The following LDLRAD4 variants were observed in gnomAD, a reference collection of about 807,000 sequenced individuals.
The protein encoded by LDLRAD4 is low density lipoprotein receptor class A domain containing 4, also known as low-density lipoprotein receptor class A domain-containing protein 4.
A neutral mutation model predicts 17.0 loss-of-function variants in LDLRAD4; 5 were observed. The observed-to-expected ratio is 0.29, with a 90% CI of 0.15 to 0.62. The LOEUF is 0.62. Ranked by LOEUF, LDLRAD4 falls within the 20% of genes least tolerant of loss-of-function variation. LDLRAD4 has a pLI of 0.84. For synonymous variants in LDLRAD4, 168 were observed against 171.8 expected, an observed-to-expected ratio of 0.98 and a Z score of 0.17; for missense variants, 340 against 424.7, an observed-to-expected ratio of 0.80 and a Z score of 1.75.
chr18:13,604,740 G>T (rs911676840), intron 3 of LDLRAD4, among the ~76,000 whole-genome samples: 1 of 152,178 alleles, frequency 6.6e-6, no homozygotes, highest in Non-Finnish European at 1.5e-5. Flanking sequence ...AAAATATCCA[G>T]TGTGTTTTTC....
intron 3 of LDLRAD4, among the ~76,000 whole-genome samples, chr18:13,554,766 T>C (rs2094467654): frequency 1.3e-5 from 2 of 152,194 alleles, no homozygotes; most frequent in South Asian, 4.1e-4. Flanking sequence ...TTTCAAATGG[T>C]AATCTGTAAT....
At chr18:13,647,677 T>C (rs1355553955) in exon 6 of LDLRAD4, 2 of 152,298 alleles carry the variant, frequency 1.3e-5, no homozygotes, top group Non-Finnish European at 2.9e-5. Flanking sequence ...ATTACATTCA[T>C]CCTTTGCACA....
At chr18:13,231,717 G>GT (rs1290581221) in intron 1 of LDLRAD4, among the ~76,000 whole-genome samples, 2 of 152,226 alleles carry the variant, frequency 1.3e-5, no homozygotes, top group African/African-American at 4.8e-5. Context: ...TGCAAAACGT[G>GT]TAACTATTTA....
At position 13,532,230 on chromosome 18, in the gene LDLRAD4, T is replaced by C. The variant is rs1028670213; in HGVS notation, c.182-88887T>C. ...GGCTCCTGCAATTGCCTTCAGAGGG[T>C]AAGAGCGATTGGGAGGGGCAGCGAA... On this transcript the variant is annotated intron_variant, in intron 3 of 5. Transcript: ENST00000359446. 2.6e-5 allele frequency among the ~76,000 whole-genome samples: 4 copies of C among 152,138 alleles called. No homozygotes were observed. In the South Asian group the frequency reaches 8.3e-4, roughly 32 times the overall value.
chr18:13,427,118 G>C (rs781169550), intron 2 of LDLRAD4, among the ~76,000 whole-genome samples: 3 of 152,112 alleles, frequency 2.0e-5, no homozygotes, highest in Non-Finnish European at 1.5e-5. Flanking sequence ...CCCAGGAGGC[G>C]GAGATTGCAG....
intron 1 of LDLRAD4, among the ~76,000 whole-genome samples, chr18:13,262,827 T>TGGAAAC (rs2043965987): frequency 1.1e-5 from 1 of 88,362 alleles, no homozygotes; most frequent in Admixed American, 1.2e-4. Context: ...GCTCCGTGCG[T>TGGAAAC]TGGGGCTGAG....
At chr18:13,528,242 C>T (rs2094066256) in intron 3 of LDLRAD4, among the ~76,000 whole-genome samples, 2 of 152,232 alleles carry the variant, frequency 1.3e-5, no homozygotes, top group African/African-American at 2.4e-5. Context: ...TAGTCTTCCT[C>T]TGCCAGCACT....
chr18:13,391,562 T>C (rs2086275281), intron 2 of LDLRAD4, among the ~76,000 whole-genome samples: 1 of 152,264 alleles, frequency 6.6e-6, no homozygotes, highest in African/African-American at 2.4e-5. Flanking sequence ...TTTCTCAGCA[T>C]ATGCAATTTA....
exon 6 of LDLRAD4, chr18:13,652,161 T>C (rs781358921): frequency 1.3e-5 from 2 of 152,216 alleles, no homozygotes; most frequent in Non-Finnish European, 2.9e-5. Flanking sequence ...CTGTTGAGCA[T>C]GAGAATGTTC....
At chr18:13,226,180 C>CTTTTTTTTTTGTTTT (rs2041784788) in intron 1 of LDLRAD4, among the ~76,000 whole-genome samples, 1 of 52,188 alleles carries the variant, frequency 1.9e-5, no homozygotes, top group Non-Finnish European at 3.3e-5. Flanking sequence ...CCATGCCTTG[C>CTTTTTTTTTTGTTTT]TTTTTTTTTT....
intron 3 of LDLRAD4, among the ~76,000 whole-genome samples, chr18:13,503,635 G>A (rs1309289019): frequency 6.6e-6 from 1 of 152,184 alleles, no homozygotes; most frequent in Non-Finnish European, 1.5e-5. Context: ...ACAGGGGCGG[G>A]ATGTGCCAGA....
chr18:13,352,893 A>C (rs544124206), intron 1 of LDLRAD4, among the ~76,000 whole-genome samples: 98 of 152,260 alleles, frequency 6.4e-4, no homozygotes, highest in African/African-American at 2.2e-3. Flanking sequence ...TTTTGAAAAT[A>C]TAGTAGCATT....
rs762632428 is a variant in LDLRAD4, at chr18:13,621,072, G to A, written c.182-45G>A. Reference sequence around the variant, plus strand: ...TGACAGTGCCTGGAGAATGGGTGGGGACTGGAGGGGCCAGGTGGCTAACCA... The same window carrying A: ...TGACAGTGCCTGGAGAATGGGTGGGAACTGGAGGGGCCAGGTGGCTAACCA... On this transcript the variant is annotated intron_variant, in intron 3 of 5. Coordinates refer to ENST00000359446, the Ensembl canonical transcript of LDLRAD4. The surrounding 1 kb of genome is among the most constrained non-coding windows in gnomAD (Gnocchi z 5.5). 8.1e-6 allele frequency: 13 copies of A among 1,613,652 alleles called. No homozygotes were observed. The highest frequency in any genetic ancestry group is 1.1e-5 in the South Asian group (1 of 91,050).
At chr18:13,598,523 G>A (rs2148610615) in intron 3 of LDLRAD4, among the ~76,000 whole-genome samples, 1 of 152,312 alleles carries the variant, frequency 6.6e-6, no homozygotes, top group African/African-American at 2.4e-5. Context: ...TCTAGCCTTT[G>A]AGGTTTGTTC....
chr18:13,287,375 A>G (rs904684938), intron 1 of LDLRAD4, among the ~76,000 whole-genome samples: 1 of 152,210 alleles, frequency 6.6e-6, no homozygotes, highest in Non-Finnish European at 1.5e-5. Flanking sequence ...ACAGTTGTTA[A>G]CACTTTTTAA....
intron 3 of LDLRAD4, among the ~76,000 whole-genome samples, chr18:13,576,947 G>A (rs76103177): frequency 0.011 from 1,681 of 152,342 alleles, 10 homozygotes; most frequent in Non-Finnish European, 0.017. Flanking sequence ...ACAACATGTC[G>A]TTGTCTGTGG....
At chr18:13,576,371 G>A (rs1169471025) in intron 3 of LDLRAD4, among the ~76,000 whole-genome samples, 17 of 147,926 alleles carry the variant, frequency 1.1e-4, no homozygotes, top group Non-Finnish European at 1.9e-4. Context: ...GCAGTGAGCC[G>A]AGATTGTGCC....
At chr18:13,650,563 A>G in exon 6 of LDLRAD4, 2 of 394,688 alleles carry the variant, frequency 5.1e-6, no homozygotes. Flanking sequence ...CCTGCACTTG[A>G]TGCTCCCACC....
At chr18:13,428,782 A>G (rs1260147751) in intron 2 of LDLRAD4, among the ~76,000 whole-genome samples, 6 of 152,118 alleles carry the variant, frequency 3.9e-5, no homozygotes, top group Admixed American at 3.9e-4. Flanking sequence ...TGGCATCTCT[A>G]TCCCCAGTGC....
Sources: allele counts gnomAD v4.1 joint callset (sites outside exome capture counted in the v4.1 genomes callset), GRCh38; gene constraint gnomAD v4.1.1; non-coding constraint Gnocchi (gnomAD v3.1); transcripts MANE v1.5; gene names NCBI Gene and HGNC (gene_info 2026-07-23, HGNC 2026-07-21).